Variants in ERBB4 observed in about 807,000 individuals in gnomAD.
ERBB4 encodes the protein erb-b2 receptor tyrosine kinase 4, also known as receptor tyrosine-protein kinase erbB-4.
Under a neutral mutation model 158.0 loss-of-function variants are expected in ERBB4, and 42 were observed. The observed-to-expected ratio is 0.27, with a 90% CI of 0.21 to 0.34. The LOEUF is 0.34. Among genes scored for constraint, ERBB4 ranks in the 10% least tolerant of loss-of-function variants. The pLI, the probability that ERBB4 is intolerant of heterozygous loss-of-function variation, is 1.00. For missense variants in ERBB4, 1,333 were observed against 1,624.1 expected (o/e 0.82, Z 3.08); for synonymous variants, 583 against 558.7 (o/e 1.04, Z -0.61).
At chr2:211,824,425 T>C (rs1249939155) in intron 3 of ERBB4, among the ~76,000 whole-genome samples, 2 of 152,004 alleles carry the variant, frequency 1.3e-5, no homozygotes, top group Non-Finnish European at 2.9e-5. Flanking sequence ...GCAAGCAAAG[T>C]TCCAGAGCAC....
chr2:211,895,501 G>A (rs112680877), intron 3 of ERBB4, among the ~76,000 whole-genome samples: 2,896 of 151,928 alleles, frequency 0.019, 88 homozygotes, highest in African/African-American at 0.064. Flanking sequence ...TCAAGCCATC[G>A]TCCCACCTCA....
intron 1 of ERBB4, among the ~76,000 whole-genome samples, chr2:212,357,424 C>T (rs796066942): frequency 1.5e-4 from 22 of 151,682 alleles, no homozygotes; most frequent in East Asian, 7.7e-4. Context: ...GAAGTATAAG[C>T]GGTGTACAAA....
At chr2:211,772,838 CATATATAT>C (rs1278564933) in intron 4 of ERBB4, among the ~76,000 whole-genome samples, 21 of 18,308 alleles carry the variant, frequency 1.1e-3, no homozygotes, top group African/African-American at 3.4e-3. Context: ...TATATATACA[CATATATAT>C]ATATATATAT....
At chr2:211,397,966 A>G (rs1046924551) in intron 25 of ERBB4, among the ~76,000 whole-genome samples, 7 of 152,212 alleles carry the variant, frequency 4.6e-5, no homozygotes, top group African/African-American at 1.7e-4. Flanking sequence ...GAATTACTTC[A>G]GGGAACACTG....
intron 19 of ERBB4, among the ~76,000 whole-genome samples, chr2:211,616,059 G>C (rs1423692553): frequency 6.6e-6 from 1 of 152,086 alleles, no homozygotes. Context: ...CTCTACCATA[G>C]TGTTATACCA....
chr2:211,758,937 C>T (rs1342656192), intron 4 of ERBB4, among the ~76,000 whole-genome samples: 2 of 152,220 alleles, frequency 1.3e-5, no homozygotes, highest in Admixed American at 1.3e-4. Flanking sequence ...CAAACTTATA[C>T]TTCCAACTGC....
At chr2:212,075,772 T>A (rs918416182) in intron 2 of ERBB4, among the ~76,000 whole-genome samples, 2 of 151,926 alleles carry the variant, frequency 1.3e-5, no homozygotes, top group Admixed American at 1.3e-4. Flanking sequence ...GTATTTTCAA[T>A]GTAATCTCAT....
chr2:212,181,414 A>C (rs1321877923), intron 1 of ERBB4, among the ~76,000 whole-genome samples: 1 of 151,708 alleles, frequency 6.6e-6, no homozygotes, highest in African/African-American at 2.4e-5. Flanking sequence ...ACAGAATTAA[A>C]TAACATACAG....
At chr2:211,867,404 T>G (rs1464205391) in intron 3 of ERBB4, among the ~76,000 whole-genome samples, 1 of 152,116 alleles carries the variant, frequency 6.6e-6, no homozygotes, top group Non-Finnish European at 1.5e-5. Flanking sequence ...TACAAGTATG[T>G]AAACACACAC....
chr2:211,699,411 C>T (rs998873184), intron 12 of ERBB4, among the ~76,000 whole-genome samples: 2 of 152,066 alleles, frequency 1.3e-5, no homozygotes, highest in African/African-American at 2.4e-5. Flanking sequence ...TAGACATTCC[C>T]ATTTACAAAG....
chr2:212,244,366 C>T (rs774538374), intron 1 of ERBB4, among the ~76,000 whole-genome samples: 13 of 152,018 alleles, frequency 8.6e-5, no homozygotes, highest in Admixed American at 1.3e-4. Flanking sequence ...ATGAAATTCA[C>T]GGGTCATGAC....
chr2:211,599,369 C>G (rs1477294442), intron 19 of ERBB4, among the ~76,000 whole-genome samples: 1 of 152,064 alleles, frequency 6.6e-6, no homozygotes, highest in African/African-American at 2.4e-5. Context: ...TGCTAAGAGT[C>G]CTTGCTTTGG....
At chr2:211,822,864 T>C (rs2077023699) in intron 3 of ERBB4, among the ~76,000 whole-genome samples, 1 of 152,068 alleles carries the variant, frequency 6.6e-6, no homozygotes, top group Non-Finnish European at 1.5e-5. Flanking sequence ...GGTTTTAGGC[T>C]GGGCCCTATG....
chr2:212,323,240 A>T (rs1022963085), intron 1 of ERBB4, among the ~76,000 whole-genome samples: 2 of 150,410 alleles, frequency 1.3e-5, no homozygotes, highest in African/African-American at 4.8e-5. Context: ...CCACGTTTTT[A>T]CTCATTTAAT....
At chr2:212,109,497 T>A (rs906930291) in intron 2 of ERBB4, among the ~76,000 whole-genome samples, 1 of 152,212 alleles carries the variant, frequency 6.6e-6, no homozygotes, top group Admixed American at 6.5e-5. Context: ...CTATTACTTT[T>A]GAGACATGGC....
chr2:211,719,268 A>C (rs1447273148), intron 7 of ERBB4, among the ~76,000 whole-genome samples: 1 of 152,220 alleles, frequency 6.6e-6, no homozygotes, highest in Non-Finnish European at 1.5e-5. Context: ...CAGTCAATGA[A>C]GGAACAACTC....
intron 3 of ERBB4, among the ~76,000 whole-genome samples, chr2:211,945,410 AT>A (rs576812275): frequency 9.2e-5 from 14 of 152,120 alleles, no homozygotes; most frequent in Non-Finnish European, 1.9e-4. Flanking sequence ...AAAAATGTTC[AT>A]ATTAGCCTAA....
intron 20 of ERBB4, among the ~76,000 whole-genome samples, chr2:211,503,259 C>T (rs76345042): frequency 0.068 from 10,309 of 152,168 alleles, 506 homozygotes; most frequent in Middle Eastern, 0.13. Context: ...TCTGGGCACC[C>T]ACCCTGCAAA....
chr2:211,939,595 C>T (rs2080428606), intron 3 of ERBB4, among the ~76,000 whole-genome samples: 2 of 152,030 alleles, frequency 1.3e-5, no homozygotes, highest in African/African-American at 4.8e-5. Context: ...TTTACATATT[C>T]TAAAAAATTA....
Sources: allele counts gnomAD v4.1 joint callset (sites outside exome capture counted in the v4.1 genomes callset), GRCh38; gene constraint gnomAD v4.1.1; transcripts MANE v1.5; gene names NCBI Gene and HGNC (gene_info 2026-07-23, HGNC 2026-07-21).